ASH1L: variants seen among roughly 807,000 people sequenced by gnomAD.
ASH1L encodes the protein ASH1 like histone lysine methyltransferase.
Under a neutral mutation model 269.0 loss-of-function variants are expected in ASH1L, and 23 were observed. That is an observed-to-expected ratio of 0.09 (90% CI 0.06 to 0.12). The LOEUF (loss-of-function observed/expected upper bound fraction) is 0.12. Ranked by LOEUF, ASH1L falls within the 10% of genes least tolerant of loss-of-function variation. The probability of loss-of-function intolerance (pLI) is 1.00; values close to 1 mark genes in which losing one functional copy is unlikely to be tolerated. For missense variants in ASH1L, 2,912 were observed against 3,567.8 expected, an observed-to-expected ratio of 0.82 and a Z score of 4.68; for synonymous variants, 1,187 against 1,253.5, an observed-to-expected ratio of 0.95 and a Z score of 1.12.
At chr1:155,422,533 C>T (rs892466404) in intron 5 of ASH1L, among the ~76,000 whole-genome samples, 4 of 151,914 alleles carry the variant, frequency 2.6e-5, no homozygotes, top group Non-Finnish European at 5.9e-5. Flanking sequence ...CCTGGGATTA[C>T]AGGCATGAGC....
chr1:155,475,283 C>T (rs369277506), intron 3 of ASH1L, among the ~76,000 whole-genome samples: 1 of 152,056 alleles, frequency 6.6e-6, no homozygotes, highest in South Asian at 2.1e-4. Flanking sequence ...ACTACAGGCA[C>T]GTGCCACCAT....
chr1:155,536,824 C>T (rs1355842897), intron 1 of ASH1L, among the ~76,000 whole-genome samples: 6 of 152,014 alleles, frequency 3.9e-5, no homozygotes, highest in Non-Finnish European at 8.8e-5. Context: ...GGGCAGATCA[C>T]AAGGTCAGGA....
Position 155,399,664 on chromosome 1 carries a change from C to T in ASH1L, c.6009-4111G>A, listed in dbSNP as rs552249960. On this transcript the variant is annotated intron_variant, in intron 6 of 27. Coordinates refer to ENST00000392403, the MANE Select transcript of ASH1L (RefSeq NM_018489.3). ...CCCAACCCCCACCCCCCAAAAAAAACAGAATGTGATAAAACTCATAACACT... is the reference window on the plus strand; with the variant it reads ...CCCAACCCCCACCCCCCAAAAAAAATAGAATGTGATAAAACTCATAACACT... Among the ~76,000 whole-genome samples the T allele has an allele frequency of 3.5e-4, 40 of 115,764 alleles. No individual in the cohort carries two copies. In the East Asian group the frequency reaches 0.01, roughly 30 times the overall value. 75.9% of individuals were successfully genotyped at this position (115,764 alleles called of 152,430 possible).
chr1:155,493,524 C>T (rs1169484770), intron 2 of ASH1L, among the ~76,000 whole-genome samples: 1 of 152,140 alleles, frequency 6.6e-6, no homozygotes, highest in Non-Finnish European at 1.5e-5. Flanking sequence ...TGATAGTATT[C>T]AAGAACACTT....
intron 4 of ASH1L, among the ~76,000 whole-genome samples, chr1:155,449,078 C>T (rs755514179): frequency 7.3e-5 from 11 of 151,548 alleles, no homozygotes; most frequent in Non-Finnish European, 1.2e-4. Flanking sequence ...GGACTACAGG[C>T]ATGTGCCACC....
At position 155,482,142 on chromosome 1, in the gene ASH1L, C is replaced by T; in HGVS notation, c.728G>A (p.Gly243Asp). The T allele has an allele frequency of 6.2e-7, 1 of 1,614,178 alleles. No homozygotes were observed. The highest frequency in any genetic ancestry group is 8.5e-7 in the Non-Finnish European group (1 of 1,180,016). ...SKTKPKKLGT[G>D]TTAGLVSKDL... ...CTTGCTAACCAATCCTGCTGTAGTG[C>T]CAGTTCCTAACTTCTTCGGTTTTGT... The change falls in exon 3 of 28, where the codon GGC becomes GAC. Residue 243 changes from glycine to aspartate, a missense_variant. This residue lies in a region of ASH1L where 277 missense variants were observed against 367.7 expected (regional missense o/e 0.75). Transcript: ENST00000392403.
chr1:155,480,482 A>G lies in ASH1L; in HGVS notation c.2388T>C (p.Ser796=). Residue 796 remains serine, a synonymous_variant, in exon 3 of 28, where the codon AGT becomes AGC. Coordinates refer to ENST00000392403, the MANE Select transcript of ASH1L (RefSeq NM_018489.3). ...TAPSLALLAD[S]EKPSHKSFAT... The stretch of plus-strand genomic sequence containing the variant: ...CAAAAGACTTATGAGATGGTTTTTC[A>G]CTATCAGCTAAGAGAGCAAGAGATG... 6.2e-7 allele frequency: 1 copy of G among 1,614,042 alleles called. No homozygotes were observed.
At chr1:155,430,454 T>C (rs1414417870) in intron 5 of ASH1L, among the ~76,000 whole-genome samples, 1 of 152,158 alleles carries the variant, frequency 6.6e-6, no homozygotes, top group Non-Finnish European at 1.5e-5. Context: ...GCTCAGGTAA[T>C]TTCTTTTGAG....
chr1:155,485,638 T>C (rs533842006), intron 2 of ASH1L, among the ~76,000 whole-genome samples: 1 of 152,278 alleles, frequency 6.6e-6, no homozygotes, highest in African/African-American at 2.4e-5. Context: ...GCAAAAAACG[T>C]ACAACTATAA....
chr1:155,562,903 C>T (rs770951718), upstream of ASH1L: 37 of 454,652 alleles, frequency 8.1e-5, no homozygotes, highest in South Asian at 4.9e-4. Flanking sequence ...CGCCAGCCCC[C>T]CCTACCACCC....
At chr1:155,513,467 A>C (rs1170344405) in intron 2 of ASH1L, among the ~76,000 whole-genome samples, 1 of 151,506 alleles carries the variant, frequency 6.6e-6, no homozygotes, top group Non-Finnish European at 1.5e-5. Flanking sequence ...TCTACTCAAG[A>C]GGCTGAGATG....
chr1:155,502,061 C>A (rs987886025), intron 2 of ASH1L, among the ~76,000 whole-genome samples: 1 of 146,028 alleles, frequency 6.8e-6, no homozygotes, highest in Non-Finnish European at 1.5e-5. Flanking sequence ...GTTTTCTTTT[C>A]TTTTCTTTTC....
intron 1 of ASH1L, among the ~76,000 whole-genome samples, chr1:155,530,485 G>A (rs1267005477): frequency 6.6e-6 from 1 of 152,026 alleles, no homozygotes; most frequent in East Asian, 1.9e-4. Flanking sequence ...CAGCACTTTG[G>A]GAGGCCAAGG....
intron 1 of ASH1L, among the ~76,000 whole-genome samples, chr1:155,528,330 G>A (rs1324701726): frequency 6.6e-6 from 1 of 151,886 alleles, no homozygotes; most frequent in Non-Finnish European, 1.5e-5. Context: ...AGCTAAGTTT[G>A]TCAGCTTTAC....
chr1:155,435,628 GA>G (rs752005177), intron 5 of ASH1L, among the ~76,000 whole-genome samples: 147 of 134,988 alleles, frequency 1.1e-3, no homozygotes, highest in African/African-American at 2.2e-3. Context: ...TAGGTGGATG[GA>G]AAAAAAAAAA....
intron 2 of ASH1L, among the ~76,000 whole-genome samples, chr1:155,511,016 AAT>A (rs1191130221): frequency 3.3e-5 from 5 of 152,158 alleles, no homozygotes; most frequent in African/African-American, 9.7e-5. Flanking sequence ...TTGAACCTCA[AAT>A]ATGAGTCTGA....
chr1:155,537,075 T>C (rs1343821272), intron 1 of ASH1L, among the ~76,000 whole-genome samples: 2 of 150,812 alleles, frequency 1.3e-5, no homozygotes, highest in African/African-American at 2.4e-5. Context: ...AGAAAGAAAT[T>C]CAACACAGAA....
rs916407977 is a variant in ASH1L, at chr1:155,370,856, T to C, written c.6460A>G (p.Ile2154Val). ...RFRAEEKGWG[I>V]RTKEPLKAGQ... ...GCTTTTAGGGGCTCTTTGGTTCTGATTCCCCAACCTTTTTCCTCAGCTCGA... is the reference window on the plus strand; with the variant it reads ...GCTTTTAGGGGCTCTTTGGTTCTGACTCCCCAACCTTTTTCCTCAGCTCGA... The change falls in exon 11 of 28, where the codon ATC becomes GTC. Residue 2154 changes from isoleucine (I) to valine (V), a missense_variant. Around this residue, in one of 13 missense-constraint regions of ASH1L, gnomAD observed 193 missense variants for 311.6 expected, o/e 0.62. Coordinates refer to ENST00000392403, the MANE Select transcript of ASH1L (RefSeq NM_018489.3). The C allele has an allele frequency of 2.5e-6, 4 of 1,614,084 alleles. No individual in the cohort carries two copies. Among genetic ancestry groups the C allele is most frequent in the Admixed American group, 1.7e-5 (1 of 59,990 alleles).
At position 155,438,889 on chromosome 1, in the gene ASH1L, C is replaced by G; in HGVS notation, c.5266G>C (p.Asp1756His). ...CTGTCTGGTTTTCCCAGGGTTCGGT[C>G]CTTGCTGTGGCTACGGCCTGGACTG... ...SSSPGRSHSKDRTLGKPDSLL... is the reference protein window; with the variant it reads ...SSSPGRSHSKHRTLGKPDSLL... The change falls in exon 5 of 28, where the codon GAC becomes CAC. Residue 1756 changes from aspartate (D) to histidine (H), a missense_variant. Coordinates refer to ENST00000392403, the MANE Select transcript of ASH1L (RefSeq NM_018489.3). The G allele has an allele frequency of 6.2e-7, 1 of 1,614,150 alleles. No individual in the cohort carries two copies. Among genetic ancestry groups the G allele is most frequent in the Non-Finnish European group, 8.5e-7 (1 of 1,180,042 alleles).
Sources: allele counts gnomAD v4.1 joint callset (sites outside exome capture counted in the v4.1 genomes callset), GRCh38; gene constraint gnomAD v4.1.1; regional missense constraint gnomAD v4.1.1; transcripts MANE v1.5; gene names NCBI Gene and HGNC (gene_info 2026-07-23, HGNC 2026-07-21).